The following ATRX variants were observed in gnomAD, a reference collection of about 807,000 sequenced individuals.
ATRX encodes the protein chromatin remodeler ATRX.
A neutral mutation model predicts 172.6 loss-of-function variants in ATRX; 12 were observed. The ratio of observed to expected loss-of-function variants is 0.07; its 90% CI spans 0.04 to 0.11. The LOEUF (loss-of-function observed/expected upper bound fraction) is 0.11. Ranked by LOEUF, ATRX falls within the 10% of genes least tolerant of loss-of-function variation. The pLI is 1.00. For synonymous variants in ATRX, 674 were observed against 594.7 expected, an observed-to-expected ratio of 1.13 and a Z score of -1.94; for missense variants, 1,368 against 1,767.4, an observed-to-expected ratio of 0.77 and a Z score of 4.05.
chrX:77,763,119 T>A lies in ATRX; in HGVS notation c.20+22863A>T, dbSNP rs188606235. ...CAGGTACTTAGGGGGTTTCGTTATT[T>A]TATATATATATATATAGTTGTCTTT... On this transcript the variant is annotated intron_variant, in intron 1 of 34. Coordinates refer to ENST00000373344, the MANE Select transcript of ATRX (RefSeq NM_000489.6). 7.3e-3 allele frequency among the ~76,000 whole-genome samples: 789 copies of A among 107,678 alleles called. 6 individuals carry two copies. Among genetic ancestry groups the A allele is most frequent in the Non-Finnish European group, 0.012 (639 of 51,888 alleles). The allele number at this position is 107,678 out of a possible 115,157, so 93.5% of individuals were successfully genotyped here. A position where few individuals can be genotyped will look rare whatever the true frequency, so the allele number is the denominator to read the frequency against.
chrX:77,669,859 C>A (rs2070461383), intron 10 of ATRX, among the ~76,000 whole-genome samples: 1 of 109,690 alleles, frequency 9.1e-6, no homozygotes, highest in East Asian at 2.9e-4. Context: ...CCACCATGCC[C>A]GGCTAATTTT....
chrX:77,615,882 C>T, intron 22 of ATRX: 1 of 691,784 alleles, frequency 1.4e-6, no homozygotes, highest in East Asian at 1.6e-4. Flanking sequence ...CCTGTATCTC[C>T]TAATTAAATC....
intron 1 of ATRX, among the ~76,000 whole-genome samples, chrX:77,753,372 G>T (rs1353280241): frequency 9.1e-6 from 1 of 110,352 alleles, no homozygotes; most frequent in East Asian, 2.8e-4. Flanking sequence ...TTCTTTATTA[G>T]TCTGGCTCAT....
At chrX:77,597,310 G>A (rs1274781702) in intron 25 of ATRX, among the ~76,000 whole-genome samples, 12 of 110,261 alleles carry the variant, frequency 1.1e-4, no homozygotes, top group Non-Finnish European at 2.3e-4. Context: ...AGGTACTGAA[G>A]AGAGAAATGT....
chrX:77,557,462 T>C lies in ATRX; in HGVS notation c.6688A>G (p.Met2230Val). 8.3e-7 allele frequency: 1 copy of C among 1,210,845 alleles called. No individual in the cohort carries two copies. The highest frequency in any genetic ancestry group is 1.1e-6 in the Non-Finnish European group (1 of 894,739). Residue 2230 changes from methionine (M) to valine (V), a missense_variant, in exon 30 of 35, where the codon ATG becomes GTG. Physicochemically the swap from Met to Val is conservative, Grantham distance 21. Transcript: ENST00000373344. ...CTAAATATGTTTACCTTTGGCAGCA[T>C]GGGAGTATCCCTCTTCTTCTTCTTT... is the stretch of plus-strand genomic sequence containing the variant. ...SEKKKKRDTP[M>V]LPKDTILAEL...
chrX:77,570,539 A>T (rs2065373657), intron 28 of ATRX, among the ~76,000 whole-genome samples: 1 of 111,393 alleles, frequency 9.0e-6, no homozygotes, highest in African/African-American at 3.3e-5. Context: ...TTCACACCTT[A>T]TACAAAAATT....
At chrX:77,594,078 G>C in intron 25 of ATRX, 61 of 285,856 alleles carry the variant, frequency 2.1e-4, no homozygotes, top group Middle Eastern at 1.1e-3. Context: ...GGAAGGAGAT[G>C]CCAAATAAGA....
intron 30 of ATRX, among the ~76,000 whole-genome samples, chrX:77,528,163 A>G (rs5912428): frequency 0.11 from 11,807 of 109,485 alleles, 676 homozygotes; most frequent in Non-Finnish European, 0.16. Flanking sequence ...CGCACAAGGC[A>G]CAGCGCAGCT....
At chrX:77,731,575 T>C (rs1569543481) in intron 1 of ATRX, among the ~76,000 whole-genome samples, 4 of 111,605 alleles carry the variant, frequency 3.6e-5, no homozygotes, top group Non-Finnish European at 7.5e-5. Context: ...GTTTGAATAA[T>C]GTCTCTTTAC....
At chrX:77,647,603 AAAT>A (rs1202229955) in intron 15 of ATRX, among the ~76,000 whole-genome samples, 1 of 112,067 alleles carries the variant, frequency 8.9e-6, no homozygotes, top group Admixed American at 9.5e-5. Context: ...TACTAGAAAA[AAAT>A]AATGAGAAAA....
intron 1 of ATRX, among the ~76,000 whole-genome samples, chrX:77,738,539 T>C (rs1250967969): frequency 9.4e-6 from 1 of 106,496 alleles, no homozygotes; most frequent in Non-Finnish European, 1.9e-5. Context: ...AATATGTTTT[T>C]TTTGTTTCTC....
intron 6 of ATRX, among the ~76,000 whole-genome samples, chrX:77,691,853 G>A (rs988120381): frequency 1.8e-5 from 2 of 111,830 alleles, no homozygotes; most frequent in Admixed American, 9.5e-5. Context: ...TTTCCTGTGT[G>A]ATTTCTGACA....
At chrX:77,718,646 T>C (rs1373037358) in intron 1 of ATRX, among the ~76,000 whole-genome samples, 2 of 111,674 alleles carry the variant, frequency 1.8e-5, no homozygotes, top group Admixed American at 1.9e-4. Context: ...AGTGCTGGGA[T>C]TACAGGCGTG....
intron 28 of ATRX, among the ~76,000 whole-genome samples, chrX:77,562,099 T>C (rs1557062329): frequency 1.8e-5 from 2 of 112,191 alleles, no homozygotes; most frequent in African/African-American, 3.2e-5. Flanking sequence ...AAATCAAGAA[T>C]GGCATTTTCC....
At chrX:77,508,761 C>T in intron 34 of ATRX, 132 bp from the exon 35 acceptor site, 1 of 692,348 alleles carries the variant, frequency 1.4e-6, no homozygotes, top group Admixed American at 2.3e-5. Flanking sequence ...AACACCATTA[C>T]TAATGTGATG....
At chrX:77,611,426 T>C (rs2067148024) in intron 22 of ATRX, among the ~76,000 whole-genome samples, 1 of 112,275 alleles carries the variant, frequency 8.9e-6, no homozygotes, top group African/African-American at 3.2e-5. Context: ...CTGCATTTAA[T>C]GGTGATTCTG....
At chrX:77,767,184 C>T (rs1447379796) in intron 1 of ATRX, among the ~76,000 whole-genome samples, 6 of 107,440 alleles carry the variant, frequency 5.6e-5, no homozygotes, top group Admixed American at 3.0e-4. Context: ...AGTCCAGCTT[C>T]GGCTCGGCAT....
rs2071153178 is a variant in ATRX at position 77,680,953 on chromosome X, T to C, written c.3736+567A>G. On this transcript the variant is annotated intron_variant, in intron 9 of 34. Coordinates refer to ENST00000373344, the MANE Select transcript of ATRX (RefSeq NM_000489.6). ...CAGGGTAGGCTAATCCAGCTAATGTTTGGATTTTCTTCCTTCATTTTGACA... is the reference window on the plus strand; with the variant it reads ...CAGGGTAGGCTAATCCAGCTAATGTCTGGATTTTCTTCCTTCATTTTGACA... Among the ~76,000 whole-genome samples the C allele has an allele frequency of 2.7e-5, 3 of 111,894 alleles. 1 individual carries two copies. In the South Asian group the frequency reaches 1.1e-3, roughly 42 times the overall value.
At chrX:77,732,307 G>A (rs782302380) in intron 1 of ATRX, among the ~76,000 whole-genome samples, 2 of 111,857 alleles carry the variant, frequency 1.8e-5, no homozygotes, top group African/African-American at 3.2e-5. Flanking sequence ...GGTTGAGCAC[G>A]GCAGGCTGAG....
Sources: allele counts gnomAD v4.1 joint callset (sites outside exome capture counted in the v4.1 genomes callset), GRCh38; gene constraint gnomAD v4.1.1; transcripts MANE v1.5; gene names NCBI Gene and HGNC (gene_info 2026-07-23, HGNC 2026-07-21).